Variants in LRRC4C observed in about 807,000 individuals in gnomAD.
The protein encoded by LRRC4C is leucine rich repeat containing 4C.
LRRC4C carries 5 observed loss-of-function variants against 33.6 expected under a neutral mutation model. That is an observed-to-expected ratio of 0.15 (90% CI 0.08 to 0.31). The LOEUF (loss-of-function observed/expected upper bound fraction) is 0.31, where lower values mean the gene tolerates loss of function less well. Ranked by LOEUF, LRRC4C falls within the 10% of genes least tolerant of loss-of-function variation. The pLI is 1.00. For missense variants in LRRC4C, 560 were observed against 796.7 expected (o/e 0.70, Z 3.58); for synonymous variants, 329 against 302.0 (o/e 1.09, Z -0.93).
chr11:41,351,078 T>A (rs1506721), intron 1 of LRRC4C, among the ~76,000 whole-genome samples: 150,146 of 152,190 alleles, frequency 0.99, 74,098 homozygotes, highest in Middle Eastern at 1. Flanking sequence ...AAAAATTTTT[T>A]AAAAATTAGC....
At chr11:41,086,960 A>T (rs1296933883) in intron 1 of LRRC4C, among the ~76,000 whole-genome samples, 1 of 151,922 alleles carries the variant, frequency 6.6e-6, no homozygotes, top group Non-Finnish European at 1.5e-5. Context: ...GCAATTTTTA[A>T]GTCAGGAATA....
chr11:40,818,222 T>A (rs1951783864), intron 2 of LRRC4C, among the ~76,000 whole-genome samples: 1 of 152,128 alleles, frequency 6.6e-6, no homozygotes, highest in Non-Finnish European at 1.5e-5. Context: ...TCAGGTTACA[T>A]CCATAACATC....
chr11:40,498,248 C>T (rs1471166241), intron 3 of LRRC4C, among the ~76,000 whole-genome samples: 1 of 152,082 alleles, frequency 6.6e-6, no homozygotes, highest in African/African-American at 2.4e-5. Flanking sequence ...GTTAACATCC[C>T]TAGACCACAC....
At chr11:41,083,576 T>A (rs1939736133) in intron 1 of LRRC4C, among the ~76,000 whole-genome samples, 1 of 152,212 alleles carries the variant, frequency 6.6e-6, no homozygotes, top group Non-Finnish European at 1.5e-5. Flanking sequence ...ACCCACGCTT[T>A]CTAATCTAAT....
chr11:40,540,432 G>C (rs761442820), intron 3 of LRRC4C, among the ~76,000 whole-genome samples: 34 of 152,118 alleles, frequency 2.2e-4, no homozygotes, highest in Non-Finnish European at 4.0e-4. Context: ...AAACAGCCAG[G>C]TATTCTATTT....
At chr11:40,453,358 G>A (rs1335792044) in intron 3 of LRRC4C, among the ~76,000 whole-genome samples, 2 of 151,924 alleles carry the variant, frequency 1.3e-5, no homozygotes, top group African/African-American at 2.4e-5. Flanking sequence ...TAAAAAAATG[G>A]AAAATCTAAA....
intron 5 of LRRC4C, among the ~76,000 whole-genome samples, chr11:40,181,730 A>T (rs1861020083): frequency 6.6e-6 from 1 of 152,208 alleles, no homozygotes; most frequent in African/African-American, 2.4e-5. Context: ...CCCAACCATG[A>T]GGAGAGAGCT....
At chr11:41,122,949 A>G (rs1286707305) in intron 1 of LRRC4C, 1 of 152,156 alleles carries the variant, frequency 6.6e-6, no homozygotes, top group Non-Finnish European at 1.5e-5. Context: ...TCATCCTTGT[A>G]TGGTGGTCAT....
chr11:41,219,929 C>T (rs939021370), intron 1 of LRRC4C, among the ~76,000 whole-genome samples: 2 of 152,104 alleles, frequency 1.3e-5, no homozygotes, highest in Admixed American at 6.5e-5. Flanking sequence ...GAAGGGATTC[C>T]AGAAAGCCCA....
At chr11:41,371,280 G>T (rs76567663) in intron 1 of LRRC4C, among the ~76,000 whole-genome samples, 3 of 152,134 alleles carry the variant, frequency 2.0e-5, no homozygotes, top group Non-Finnish European at 4.4e-5. Flanking sequence ...GGAAACTCCC[G>T]CTTAGACCGA....
intron 3 of LRRC4C, among the ~76,000 whole-genome samples, chr11:40,603,800 AGAGGAAAT>A (rs1291697437): frequency 6.6e-6 from 1 of 152,340 alleles, no homozygotes; most frequent in Non-Finnish European, 1.5e-5. Flanking sequence ...ACAGCATCTA[AGAGGAAAT>A]GAAAGGCTGA....
chr11:40,521,312 A>T (rs746327008), intron 3 of LRRC4C, among the ~76,000 whole-genome samples: 2 of 152,214 alleles, frequency 1.3e-5, no homozygotes, highest in African/African-American at 4.8e-5. Context: ...TAGTGAAGAT[A>T]ATAAGTCATT....
intron 3 of LRRC4C, among the ~76,000 whole-genome samples, chr11:40,352,706 A>T (rs1206437674): frequency 6.6e-6 from 1 of 152,098 alleles, no homozygotes; most frequent in East Asian, 1.9e-4. Context: ...CTTATGGCTC[A>T]TTAATATCTT....
chr11:40,415,800 G>T (rs995268185), intron 3 of LRRC4C, among the ~76,000 whole-genome samples: 2 of 152,118 alleles, frequency 1.3e-5, no homozygotes, highest in African/African-American at 4.8e-5. Flanking sequence ...CAGTAAGGCT[G>T]AAAGTAGAGA....
intron 1 of LRRC4C, among the ~76,000 whole-genome samples, chr11:41,189,578 G>A (rs1945855077): frequency 6.6e-6 from 1 of 152,144 alleles, no homozygotes; most frequent in Admixed American, 6.6e-5. Context: ...TTGGCATTAA[G>A]AATGCAGCAG....
chr11:40,458,836 A>G (rs906858617), intron 3 of LRRC4C, among the ~76,000 whole-genome samples: 5 of 152,184 alleles, frequency 3.3e-5, no homozygotes, highest in African/African-American at 1.2e-4. Context: ...AGAGTAATAA[A>G]CTCAGAGAGA....
chr11:41,156,999 T>C (rs1047852057), intron 1 of LRRC4C, among the ~76,000 whole-genome samples: 1 of 152,050 alleles, frequency 6.6e-6, no homozygotes, highest in African/African-American at 2.4e-5. Flanking sequence ...GTGTTTGCTG[T>C]CTTCTGCTCT....
At chr11:40,762,517 G>C (rs1949265951) in intron 2 of LRRC4C, among the ~76,000 whole-genome samples, 1 of 152,088 alleles carries the variant, frequency 6.6e-6, no homozygotes, top group African/African-American at 2.4e-5. Flanking sequence ...TGTGGAATAG[G>C]CACTTTATGA....
intron 4 of LRRC4C, among the ~76,000 whole-genome samples, chr11:40,260,833 G>A (rs928140822): frequency 6.6e-6 from 1 of 152,124 alleles, no homozygotes; most frequent in Non-Finnish European, 1.5e-5. Context: ...TAGAAGAAAT[G>A]CAAAATGCAT....
Sources: gnomAD v4.1 joint callset for allele counts (sites outside exome capture counted in the v4.1 genomes callset) on GRCh38, gnomAD v4.1.1 for gene constraint, MANE v1.5 for transcripts, NCBI Gene and HGNC (gene_info 2026-07-23, HGNC 2026-07-21) for gene names.